Variants in USH1C observed in about 807,000 individuals in gnomAD.
USH1C encodes the protein harmonin.
In USH1C, 90 loss-of-function variants were observed where a neutral mutation model predicts 119.3. The observed-to-expected ratio is 0.75, with a 90% CI of 0.64 to 0.90. USH1C has a LOEUF of 0.90. Among genes scored for constraint, USH1C ranks in the 40% least tolerant of loss-of-function variants. USH1C has a pLI of 0.00. For synonymous variants in USH1C, 465 were observed against 443.3 expected (o/e 1.05, Z -0.62); for missense variants, 1,165 against 1,167.7 (o/e 1.00, Z 0.03).
chr11:17,516,287 A>AG lies in USH1C; in HGVS notation c.1213_1214insC (p.Phe405SerfsTer21). 1 of 1,613,098 alleles carries AG rather than the reference A, an allele frequency of 6.2e-7. No individual in the cohort carries two copies. The highest frequency in any genetic ancestry group is 8.5e-7 in the Non-Finnish European group (1 of 1,179,664). On this transcript the variant is annotated frameshift_variant, in exon 15 of 27. Coordinates refer to ENST00000005226, the MANE Select transcript of USH1C (RefSeq NM_153676.4). LOFTEE classifies it high-confidence loss of function. ...GCCATCGTAACGATAAAACCATCCA[A>AG]AAGCTATAAGACACAGATAACAAAA...
Position 17,533,534 on chromosome 11 carries a change from G to T in USH1C, c.37-212C>A. The T allele has an allele frequency of 4.7e-6, 3 of 640,638 alleles. No individual in the cohort carries two copies. In the Admixed American group the frequency reaches 6.6e-5, roughly 14 times the overall value. The allele number at this position is 640,638 out of a possible 1,614,324, so 39.7% of individuals were successfully genotyped here. A position where few individuals can be genotyped will look rare whatever the true frequency, so the allele number is the denominator to read the frequency against. ...ACCCCAACGTGGCCACAGGAGTACC[G>T]CTGCCCCTCCAGATGTGGCCAGGCA... On this transcript the variant is annotated intron_variant, in intron 1 of 26. Transcript: ENST00000005226.
chr11:17,533,473 C>T, intron 1 of USH1C, 151 bp from the exon 2 acceptor site: 1 of 698,402 alleles, frequency 1.4e-6, no homozygotes, highest in Non-Finnish European at 2.6e-6. Flanking sequence ...GGCCAGGCTG[C>T]CCCTCTGACC....
At position 17,520,876 on chromosome 11, in the gene USH1C, G is replaced by C; in HGVS notation, c.1204C>G (p.Pro402Ala). The C allele has an allele frequency of 6.2e-7, 1 of 1,614,144 alleles. No homozygotes were observed. Among genetic ancestry groups the C allele is most frequent in the Non-Finnish European group, 8.5e-7 (1 of 1,180,020 alleles). Residue 402 changes from proline to alanine, a missense_variant, in exon 14 of 27, where the codon CCA (proline) becomes GCA (alanine). Transcript: ENST00000005226. ...AEVHPVPLRK[P>A]KSFGWFYRYD... ...CTCGGCTCATGAAACTTACACTTTG[G>C]CTTGCGAAGGGGTACTGGGTGTACC...
chr11:17,524,559 C>G (rs1850573420), intron 8 of USH1C, 24 bp from the exon 9 acceptor site: 1 of 1,552,808 alleles, frequency 6.4e-7, no homozygotes, highest in Non-Finnish European at 8.7e-7. Flanking sequence ...GAAATGTGTG[C>G]TCGGGATTCA....
At chr11:17,542,720 C>G (rs911593156) in intron 1 of USH1C, among the ~76,000 whole-genome samples, 4 of 152,186 alleles carry the variant, frequency 2.6e-5, no homozygotes, top group African/African-American at 9.7e-5. Flanking sequence ...AAATTCAACC[C>G]TGAGTCTTGG....
Position 17,494,019 on chromosome 11 carries a change from T to G in USH1C, c.*313A>C. 3 of 453,456 alleles carry G rather than the reference T, an allele frequency of 6.6e-6. No individual in the cohort carries two copies. The highest frequency in any genetic ancestry group is 4.1e-6 in the Non-Finnish European group (1 of 244,668). The allele number at this position is 453,456 out of a possible 1,614,324, so 28.1% of individuals were successfully genotyped here. ...AGAGAGAGAGACTCCAGTGGGGTCT[T>G]ATTAGGGTTCAAGGAAGGAGTCCCC... On this transcript the variant is annotated 3_prime_UTR_variant, in exon 27 of 27. Transcript: ENST00000005226.
chr11:17,532,397 A>G lies in USH1C; in HGVS notation c.105-855T>C, dbSNP rs181623571. On this transcript the variant is annotated intron_variant, in intron 2 of 26. Transcript: ENST00000005226. ...ACTGCAGCCTTGACCTCCTGGGTTC[A>G]GGTGATATTCCCACCTCAGTCTCCT... 1.9e-3 allele frequency among the ~76,000 whole-genome samples: 296 copies of G among 152,278 alleles called. 2 individuals are homozygous for G. The highest frequency in any genetic ancestry group is 6.2e-3 in the African/African-American group (256 of 41,542).
chr11:17,531,459 C>A lies in USH1C; in HGVS notation c.188G>T (p.Arg63Leu). 1 of 1,614,078 alleles carries A rather than the reference C, an allele frequency of 6.2e-7. No homozygotes were observed. The highest frequency in any genetic ancestry group is 8.5e-7 in the Non-Finnish European group (1 of 1,180,032). ...CTGGTGCTTCAGTGGGATCAGCGGCCGAATGGCATCAAACAGAGGCAGACG... is the reference window on the plus strand; with the variant it reads ...CTGGTGCTTCAGTGGGATCAGCGGCAGAATGGCATCAAACAGAGGCAGACG... ...PSRLPLFDAI[R>L]PLIPLKHQVE... is the part of the protein sequence containing the mutation. Residue 63 changes from arginine to leucine, a missense_variant, in exon 3 of 27, where the codon CGG becomes CTG. Transcript: ENST00000005226. The surrounding 1 kb of genome is among the most constrained non-coding windows in gnomAD (Gnocchi z 4.2).
intron 1 of USH1C, among the ~76,000 whole-genome samples, chr11:17,535,930 C>T (rs993143557): frequency 1.3e-5 from 2 of 152,202 alleles, no homozygotes; most frequent in South Asian, 2.1e-4. Context: ...TGCTACGCCA[C>T]GATGACCATT....
At chr11:17,511,200 C>G (rs951146599) in intron 16 of USH1C, among the ~76,000 whole-genome samples, 15 of 152,146 alleles carry the variant, frequency 9.9e-5, no homozygotes, top group Admixed American at 7.9e-4. Flanking sequence ...TTGATGAGGT[C>G]TAGCCTTAGA....
chr11:17,515,570 G>A (rs963956850), intron 15 of USH1C, among the ~76,000 whole-genome samples: 2 of 152,078 alleles, frequency 1.3e-5, no homozygotes, highest in South Asian at 2.1e-4. Context: ...CAAATACCAA[G>A]TCATCTCGAA....
At chr11:17,496,718 GGAA>G (rs1324879406) in intron 25 of USH1C, 37 bp downstream of exon 25, 1 of 1,612,556 alleles carries the variant, frequency 6.2e-7, no homozygotes, top group South Asian at 1.1e-5. Context: ...TTCTGGAGAA[GGAA>G]GAAGAGGTCT....
chr11:17,502,225 C>T (rs192980521), intron 20 of USH1C, among the ~76,000 whole-genome samples: 245 of 152,224 alleles, frequency 1.6e-3, no homozygotes, highest in African/African-American at 5.4e-3. Flanking sequence ...CCTGCTTCAG[C>T]GGCACAAGCG....
At chr11:17,510,553 G>A (rs1450985305) in intron 16 of USH1C, 32 bp from the exon 17 acceptor site, 1 of 1,500,806 alleles carries the variant, frequency 6.7e-7, no homozygotes, top group Non-Finnish European at 9.3e-7. Context: ...GAAAGGAGAG[G>A]ACAAAGGGCA....
At chr11:17,501,227 G>T in intron 22 of USH1C, 77 bp from the exon 23 acceptor site, 2 of 1,258,444 alleles carry the variant, frequency 1.6e-6, no homozygotes, top group South Asian at 1.3e-5. Context: ...GGAGTCTCTT[G>T]ACAGAGCCAC....
rs777486804 is a variant in USH1C, at chr11:17,527,339, A to G, written c.388-8T>C. 2.5e-6 allele frequency: 4 copies of G among 1,603,424 alleles called. No homozygotes were observed. The African/African-American group carries it at 5.4e-5, about 21-fold the overall frequency. ...GACGATCTCGTCCCCTACCTTGACCACAGAGAGAGGCAGGGAGCACCAGGT... is the reference window on the plus strand; with the variant it reads ...GACGATCTCGTCCCCTACCTTGACCGCAGAGAGAGGCAGGGAGCACCAGGT... On this transcript the variant is annotated splice_polypyrimidine_tract_variant and splice_region_variant and intron_variant, in intron 4 of 26. Coordinates refer to ENST00000005226, the MANE Select transcript of USH1C (RefSeq NM_153676.4).
At chr11:17,518,168 A>G (rs920056117) in intron 14 of USH1C, among the ~76,000 whole-genome samples, 2 of 152,260 alleles carry the variant, frequency 1.3e-5, no homozygotes, top group African/African-American at 4.8e-5. Context: ...CCATTGGCCT[A>G]TGCAAAGGCT....
intron 14 of USH1C, among the ~76,000 whole-genome samples, chr11:17,519,932 T>C (rs889938746): frequency 2.0e-5 from 3 of 152,098 alleles, no homozygotes; most frequent in African/African-American, 4.8e-5. Context: ...CATCACAACA[T>C]GCCAAATGAC....
At chr11:17,505,551 T>A (rs1452995496) in intron 19 of USH1C, among the ~76,000 whole-genome samples, 2 of 152,218 alleles carry the variant, frequency 1.3e-5, no homozygotes, top group African/African-American at 4.8e-5. Context: ...CAGAGCCTGG[T>A]ATATAGTAGG....
Sources: allele counts gnomAD v4.1 joint callset (sites outside exome capture counted in the v4.1 genomes callset), GRCh38; gene constraint gnomAD v4.1.1; non-coding constraint Gnocchi (gnomAD v3.1); transcripts MANE v1.5; gene names NCBI Gene and HGNC (gene_info 2026-07-23, HGNC 2026-07-21).